EFNA5: variants seen among roughly 807,000 people sequenced by gnomAD.
The protein encoded by EFNA5 is ephrin-A5.
Under a neutral mutation model 22.9 loss-of-function variants are expected in EFNA5, and 5 were observed. That is an observed-to-expected ratio of 0.22 (90% confidence interval 0.11 to 0.46). The LOEUF (loss-of-function observed/expected upper bound fraction) is 0.46. Ranked by LOEUF, EFNA5 falls within the 20% of genes least tolerant of loss-of-function variation. EFNA5 has a pLI of 0.99. For missense variants in EFNA5, 237 were observed against 293.3 expected (o/e 0.81, Z 1.40); for synonymous variants, 113 against 112.2 (o/e 1.01, Z -0.04).
intron 1 of EFNA5, among the ~76,000 whole-genome samples, chr5:107,526,987 T>G (rs532939692): frequency 4.6e-5 from 7 of 152,336 alleles, no homozygotes; most frequent in Non-Finnish European, 7.3e-5. Flanking sequence ...TGATACAGAA[T>G]AACCAACCAT....
At chr5:107,413,634 C>T (rs571497122) in intron 2 of EFNA5, among the ~76,000 whole-genome samples, 3 of 152,094 alleles carry the variant, frequency 2.0e-5, no homozygotes, top group Non-Finnish European at 2.9e-5. Flanking sequence ...TTTTATGTGG[C>T]TTTCTGATTC....
At chr5:107,598,526 AG>A (rs1475440903) in intron 1 of EFNA5, among the ~76,000 whole-genome samples, 3 of 152,214 alleles carry the variant, frequency 2.0e-5, no homozygotes, top group African/African-American at 7.2e-5. Flanking sequence ...AAGAAACAAA[AG>A]AAAGACTGGA....
chr5:107,464,156 C>G (rs572650503), intron 1 of EFNA5, among the ~76,000 whole-genome samples: 2 of 152,252 alleles, frequency 1.3e-5, no homozygotes, highest in East Asian at 3.9e-4. Context: ...TGCCCCTAAC[C>G]TCCTAACCTC....
At chr5:107,455,004 G>A (rs1480728887) in intron 1 of EFNA5, among the ~76,000 whole-genome samples, 2 of 152,146 alleles carry the variant, frequency 1.3e-5, no homozygotes, top group Non-Finnish European at 2.9e-5. Context: ...TTAAAGGCAT[G>A]TGATAACACT....
intron 1 of EFNA5, among the ~76,000 whole-genome samples, chr5:107,629,914 G>T (rs1414463627): frequency 2.6e-5 from 4 of 151,998 alleles, no homozygotes; most frequent in African/African-American, 9.7e-5. Flanking sequence ...ACATTAGCCG[G>T]GCATGGAGGC....
intron 1 of EFNA5, among the ~76,000 whole-genome samples, chr5:107,441,033 T>C (rs1749243370): frequency 6.6e-6 from 1 of 151,448 alleles, no homozygotes. Flanking sequence ...TTTTTTTCAG[T>C]TCTACAAATA....
At chr5:107,508,166 C>A (rs1747290217) in intron 1 of EFNA5, among the ~76,000 whole-genome samples, 1 of 152,170 alleles carries the variant, frequency 6.6e-6, no homozygotes, top group South Asian at 2.1e-4. Context: ...TGCCACTGAA[C>A]TAAACTTGCA....
Position 107,520,849 on chromosome 5 carries a change from T to C in EFNA5, c.126-93340A>G, listed in dbSNP as rs147275435. On this transcript the variant is annotated intron_variant, in intron 1 of 4. Coordinates refer to ENST00000333274, the MANE Select transcript of EFNA5 (RefSeq NM_001962.3). The stretch of plus-strand genomic sequence containing the variant: ...TTTTACTAAATTATCTTAACAGTGA[T>C]AGCTCAGGGTACTTAGCAGTCATTC... Among the ~76,000 whole-genome samples the C allele has an allele frequency of 2.6e-5, 4 of 152,318 alleles. No homozygotes were observed. In the East Asian group the frequency reaches 7.7e-4, roughly 29 times the overall value.
intron 1 of EFNA5, among the ~76,000 whole-genome samples, chr5:107,628,708 T>A (rs902858961): frequency 6.6e-6 from 1 of 152,274 alleles, no homozygotes; most frequent in East Asian, 1.9e-4. Flanking sequence ...AGAGGGAATA[T>A]GAAGCCAAAA....
intron 1 of EFNA5, among the ~76,000 whole-genome samples, chr5:107,446,297 A>G (rs1198406069): frequency 6.6e-6 from 1 of 152,250 alleles, no homozygotes; most frequent in Non-Finnish European, 1.5e-5. Flanking sequence ...TGGAACTTTT[A>G]GGGTATTATT....
chr5:107,516,594 C>T (rs916382523), intron 1 of EFNA5, among the ~76,000 whole-genome samples: 2 of 152,256 alleles, frequency 1.3e-5, no homozygotes, highest in Middle Eastern at 3.4e-3. Context: ...CTTTGATACA[C>T]TACACATATG....
intron 1 of EFNA5, among the ~76,000 whole-genome samples, chr5:107,562,574 T>TA (rs528594273): frequency 0.012 from 1,868 of 151,458 alleles, 32 homozygotes; most frequent in African/African-American, 0.043. Context: ...CCATGGCCCA[T>TA]TAAAAAAAAC....
At position 107,591,842 on chromosome 5, in the gene EFNA5, T is replaced by A. The variant is rs1211930504; in HGVS notation, c.125+78647A>T. ...TCTCAAAAAAATATATATATATATA[T>A]AAAATATATATAATATAAAAAATAT... is the stretch of plus-strand genomic sequence containing the variant. On this transcript the variant is annotated intron_variant, in intron 1 of 4. Transcript: ENST00000333274. Among the ~76,000 whole-genome samples the A allele has an allele frequency of 6.3e-5, 6 of 95,458 alleles. 1 individual carries two copies. Among genetic ancestry groups the A allele is most frequent in the East Asian group, 2.5e-4 (1 of 4,006 alleles). 62.6% of individuals were successfully genotyped at this position (95,458 alleles called of 152,430 possible).
chr5:107,393,591 C>G (rs943470968), intron 2 of EFNA5, among the ~76,000 whole-genome samples: 3 of 152,090 alleles, frequency 2.0e-5, no homozygotes, highest in Admixed American at 6.5e-5. Flanking sequence ...TGTGGGGGAG[C>G]GTTAAAAATG....
chr5:107,554,117 C>T (rs535329688), intron 1 of EFNA5, among the ~76,000 whole-genome samples: 2 of 152,250 alleles, frequency 1.3e-5, no homozygotes, highest in African/African-American at 4.8e-5. Context: ...TTCAAAGAGG[C>T]AAACTGTAAC....
At chr5:107,653,886 G>A (rs1750779009) in intron 1 of EFNA5, among the ~76,000 whole-genome samples, 1 of 152,080 alleles carries the variant, frequency 6.6e-6, no homozygotes, top group African/African-American at 2.4e-5. Context: ...GCTTGCCAAT[G>A]TTTGCCTACT....
intron 1 of EFNA5, among the ~76,000 whole-genome samples, chr5:107,655,896 G>A (rs1307306707): frequency 6.6e-6 from 1 of 152,094 alleles, no homozygotes; most frequent in Non-Finnish European, 1.5e-5. Context: ...ACATCAATGT[G>A]TGTATAATAT....
chr5:107,386,346 C>A (rs1747624359), intron 4 of EFNA5, among the ~76,000 whole-genome samples: 1 of 151,868 alleles, frequency 6.6e-6, no homozygotes, highest in African/African-American at 2.4e-5. Context: ...CCAGGCACAC[C>A]CCTCCATAAG....
At chr5:107,437,540 A>T (rs758424498) in intron 1 of EFNA5, among the ~76,000 whole-genome samples, 1 of 152,258 alleles carries the variant, frequency 6.6e-6, no homozygotes, top group African/African-American at 2.4e-5. Context: ...ACTTTGCTGA[A>T]TGCAAATTGC....
Sources: allele counts gnomAD v4.1 joint callset (sites outside exome capture counted in the v4.1 genomes callset), GRCh38; gene constraint gnomAD v4.1.1; transcripts MANE v1.5; gene names NCBI Gene and HGNC (gene_info 2026-07-23, HGNC 2026-07-21).